H2BK1: variants seen among roughly 807,000 people sequenced by gnomAD.
H2BK1 encodes histone H2B type 2-K1.
the H2BK1 span, among the ~76,000 whole-genome samples, chr7:151,208,749 G>A: frequency 1.3e-5 from 2 of 152,298 alleles, no homozygotes; most frequent in Admixed American, 6.5e-5. Context: ...GAATCCCTAC[G>A]ACCTCAAATA....
chr7:151,208,325 A>T, the H2BK1 span, among the ~76,000 whole-genome samples: 1 of 152,190 alleles, frequency 6.6e-6, no homozygotes, highest in Non-Finnish European at 1.5e-5. Flanking sequence ...TTTTTAAAAG[A>T]AGTTTTCAAC....
the H2BK1 span, among the ~76,000 whole-genome samples, chr7:151,208,366 A>G: frequency 2.5e-4 from 38 of 152,250 alleles, no homozygotes; most frequent in Non-Finnish European, 3.5e-4. Flanking sequence ...AGCTCCTTGT[A>G]TGAGCACACA....
the H2BK1 span, chr7:151,208,027 C>T: frequency 4.2e-5 from 68 of 1,611,500 alleles, no homozygotes; most frequent in South Asian, 1.3e-4. Flanking sequence ...CAGCCTCACA[C>T]GCCAGCTGCT....
At chr7:151,209,396 G>A in the H2BK1 span, among the ~76,000 whole-genome samples, 1 of 152,052 alleles carries the variant, frequency 6.6e-6, no homozygotes, top group African/African-American at 2.4e-5. Context: ...TTACCTCTGG[G>A]GCCTGCTCTA....
At chr7:151,210,415 A>AGG in the H2BK1 span, 2 of 244,514 alleles carry the variant, frequency 8.2e-6, no homozygotes, top group East Asian at 7.6e-5. Context: ...TGCACCTGGG[A>AGG]GGGGGGGGGG....
the H2BK1 span, chr7:151,208,171 A>C: frequency 1.3e-6 from 2 of 1,540,532 alleles, no homozygotes; most frequent in Non-Finnish European, 1.8e-6. Flanking sequence ...TCCTGCCTAC[A>C]CTGCAAGCCT....
the H2BK1 span, chr7:151,208,179 C>T: frequency 6.6e-7 from 1 of 1,514,926 alleles, no homozygotes; most frequent in South Asian, 1.1e-5. Context: ...ACACTGCAAG[C>T]CTCAGCCCTG....
the H2BK1 span, among the ~76,000 whole-genome samples, chr7:151,209,916 A>G: frequency 6.6e-6 from 1 of 152,146 alleles, no homozygotes; most frequent in African/African-American, 2.4e-5. Flanking sequence ...TCCTTTAATT[A>G]TGTCCCACCT....
the H2BK1 span, chr7:151,207,982 C>A: frequency 2.0e-6 from 3 of 1,490,336 alleles, no homozygotes; most frequent in Non-Finnish European, 2.8e-6. Flanking sequence ...CTCGGGATGT[C>A]AGGGTGGTCC....
At chr7:151,208,020 C>G in the H2BK1 span, 1 of 1,608,620 alleles carries the variant, frequency 6.2e-7, no homozygotes, top group Non-Finnish European at 8.5e-7. Context: ...AGCCGGGCAG[C>G]CTCACACGCC....
At chr7:151,210,297 G>A in the H2BK1 span, 25 of 398,818 alleles carry the variant, frequency 6.3e-5, no homozygotes, top group South Asian at 1.3e-4. Context: ...GGCTGCTGCC[G>A]CTGTCCATAC....
chr7:151,209,840 C>T, the H2BK1 span, among the ~76,000 whole-genome samples: 1 of 152,246 alleles, frequency 6.6e-6, no homozygotes, highest in East Asian at 1.9e-4. Flanking sequence ...CACCAACACA[C>T]TTTGTATCAT....
At chr7:151,208,517 G>A in the H2BK1 span, among the ~76,000 whole-genome samples, 1 of 152,170 alleles carries the variant, frequency 6.6e-6, no homozygotes, top group Non-Finnish European at 1.5e-5. Flanking sequence ...CAGGATTTGG[G>A]TTTGGGGTGT....
chr7:151,208,097 T>C, the H2BK1 span: 2 of 1,614,104 alleles, frequency 1.2e-6, no homozygotes, highest in Non-Finnish European at 1.7e-6. Flanking sequence ...GATGCCAATG[T>C]CAGGGTGCAC....
At chr7:151,208,818 G>C in the H2BK1 span, among the ~76,000 whole-genome samples, 5 of 152,160 alleles carry the variant, frequency 3.3e-5, no homozygotes, top group African/African-American at 4.8e-5. Context: ...TGAACTAAGT[G>C]ATCTCTACTA....
At chr7:151,210,385 A>T in the H2BK1 span, 1 of 198,170 alleles carries the variant, frequency 5.0e-6, no homozygotes, top group Non-Finnish European at 9.3e-6. Context: ...CAGCTGCCCC[A>T]CCAGGTGTGG....
the H2BK1 span, among the ~76,000 whole-genome samples, chr7:151,208,937 A>G: frequency 6.6e-6 from 1 of 152,154 alleles, no homozygotes; most frequent in African/African-American, 2.4e-5. Flanking sequence ...TCAGAGATGA[A>G]AACAGCACTA....
the H2BK1 span, chr7:151,210,154 C>A: frequency 2.5e-6 from 1 of 398,922 alleles, no homozygotes. Context: ...TTTGTGAGGG[C>A]ATCCCTCACA....
At chr7:151,209,175 G>A in the H2BK1 span, among the ~76,000 whole-genome samples, 2 of 151,894 alleles carry the variant, frequency 1.3e-5, no homozygotes, top group East Asian at 3.9e-4. Flanking sequence ...TGCAATTTTT[G>A]CCCCTCAAAG....
Sources: gnomAD v4.1 joint callset for allele counts (sites outside exome capture counted in the v4.1 genomes callset) on GRCh38, gnomAD v4.1.1 for gene constraint, MANE v1.5 for transcripts, NCBI Gene and HGNC (gene_info 2026-07-23, HGNC 2026-07-21) for gene names.